Variants in NIBAN3 observed in about 807,000 individuals in gnomAD.
NIBAN3 encodes the protein protein Niban 3.
NIBAN3 carries 66 observed loss-of-function variants against 76.4 expected under a neutral mutation model. That is an observed-to-expected ratio of 0.86 (90% CI 0.71 to 1.06). The LOEUF (loss-of-function observed/expected upper bound fraction) is 1.06, where lower values mean the gene tolerates loss of function less well. NIBAN3 is among the 50% of genes least tolerant of loss of function. The probability of loss-of-function intolerance (pLI) is 0.00; values close to 1 mark genes in which losing one functional copy is unlikely to be tolerated. For synonymous variants in NIBAN3, 360 were observed against 355.2 expected, an observed-to-expected ratio of 1.01 and a Z score of -0.15; for missense variants, 808 against 810.7, an observed-to-expected ratio of 1.00 and a Z score of 0.04.
At position 17,546,844 on chromosome 19, in the gene NIBAN3, C is replaced by T. The variant is rs200397813; in HGVS notation, c.1666+47C>T. 17 of 1,551,532 alleles carry T rather than the reference C, an allele frequency of 1.1e-5. No homozygotes were observed. In the East Asian group the frequency reaches 3.3e-4, roughly 31 times the overall value. On this transcript the variant is annotated intron_variant, in intron 13 of 14. Transcript: ENST00000599164. ...CTCAGAGGAGCCTGGCGTCCCTTGG[C>T]TGTATGTACCGAGCCCCACCAGGGC...
At chr19:17,530,209 T>C (rs8111929) in intron 1 of NIBAN3, among the ~76,000 whole-genome samples, 3,254 of 151,508 alleles carry the variant, frequency 0.021, 142 homozygotes, top group African/African-American at 0.075. Flanking sequence ...TAGTCCCAGC[T>C]ACTTGGGAGG....
upstream of NIBAN3, among the ~76,000 whole-genome samples, chr19:17,526,834 G>A (rs2075614489): frequency 6.6e-6 from 1 of 152,020 alleles, no homozygotes; most frequent in Admixed American, 6.6e-5. Flanking sequence ...ACTGACCTCA[G>A]GGACAGTCTG....
At chr19:17,525,327 GTCCC>G (rs1239598397), upstream of NIBAN3, among the ~76,000 whole-genome samples, 51 of 142,802 alleles carry the variant, frequency 3.6e-4, no homozygotes, top group African/African-American at 1.4e-3. Flanking sequence ...CCCTCCCTCC[GTCCC>G]TCCCTTCATT....
chr19:17,528,668 G>A (rs1275707390), intron 1 of NIBAN3, among the ~76,000 whole-genome samples: 1 of 152,072 alleles, frequency 6.6e-6, no homozygotes, highest in Non-Finnish European at 1.5e-5. Flanking sequence ...TGGGCGCTGG[G>A]GACATTGTGG....
chr19:17,550,311 T>C (rs776487342), intron 14 of NIBAN3, among the ~76,000 whole-genome samples: 60 of 152,184 alleles, frequency 3.9e-4, no homozygotes, highest in Non-Finnish European at 7.1e-4. Flanking sequence ...TCCTAGCTGA[T>C]CTGGGACAGA....
In NIBAN3 at chr19:17,553,522, T is replaced by G; in HGVS notation, c.*1624T>G. 6.2e-7 allele frequency: 1 copy of G among 1,614,230 alleles called. No individual in the cohort carries two copies. The highest frequency in any genetic ancestry group is 8.5e-7 in the Non-Finnish European group (1 of 1,180,048). ...TTCACACTCCCTGGAGACCGTTTCC[T>G]CCCATTCTGTCTGGAGTTTTCGGCC... is the stretch of plus-strand genomic sequence containing the variant. On this transcript the variant is annotated 3_prime_UTR_variant, in exon 15 of 15. Transcript: ENST00000599164.
At chr19:17,550,167 G>T (rs1330282703) in intron 14 of NIBAN3, among the ~76,000 whole-genome samples, 1 of 152,078 alleles carries the variant, frequency 6.6e-6, no homozygotes, top group Non-Finnish European at 1.5e-5. Context: ...TCTCCCAATG[G>T]CTACTTCCTG....
At chr19:17,544,189 G>C (rs1460822401) in intron 12 of NIBAN3, among the ~76,000 whole-genome samples, 1 of 151,502 alleles carries the variant, frequency 6.6e-6, no homozygotes, top group African/African-American at 2.4e-5. Context: ...AGCTACTCTG[G>C]AGGCCAAGAG....
At chr19:17,549,681 C>T (rs1000093083) in intron 14 of NIBAN3, 154 bp downstream of exon 14, 12 of 704,660 alleles carry the variant, frequency 1.7e-5, no homozygotes, top group Middle Eastern at 2.3e-4. Flanking sequence ...TGGCCAAGCT[C>T]GTGAACAAGC....
rs555966528 is a variant in NIBAN3 at position 17,549,305 on chromosome 19, G to A, written c.1667-139G>A. The A allele has an allele frequency of 2.9e-4, 192 of 672,622 alleles. No individual in the cohort carries two copies. In the African/African-American group the frequency reaches 3.0e-3, roughly 10 times the overall value. 41.7% of individuals were successfully genotyped at this position (672,622 alleles called of 1,614,324 possible). ...GGTTAGCAATGTCTGCCATGGGTGC[G>A]GGCTTGGAGAGAGGCTCTATGTGAG... On this transcript the variant is annotated intron_variant, in intron 13 of 14. Coordinates refer to ENST00000599164, the MANE Select transcript of NIBAN3 (RefSeq NM_001321827.2).
chr19:17,546,733 T>C lies in NIBAN3; in HGVS notation c.1602T>C (p.Ala534=), dbSNP rs1419756579. 1 of 1,605,246 alleles carries C rather than the reference T, an allele frequency of 6.2e-7. No individual in the cohort carries two copies. Among genetic ancestry groups the C allele is most frequent in the Non-Finnish European group, 8.5e-7 (1 of 1,176,710 alleles). Residue 534 remains alanine, a synonymous_variant, in exon 13 of 15, where the codon GCT becomes GCC. Coordinates refer to ENST00000599164, the MANE Select transcript of NIBAN3 (RefSeq NM_001321827.2). ...ATGTCCTTGCCGTGGGCAGCCAGGC[T>C]CTGACCACTGAGGGCATCTATGAGG... is the stretch of plus-strand genomic sequence containing the variant. ...EGDVLAVGSQ[A]LTTEGIYEDV...
At position 17,539,247 on chromosome 19, in the gene NIBAN3, C is replaced by T. The variant is rs779621348; in HGVS notation, c.693C>T (p.Thr231=). 24 of 1,605,898 alleles carry T rather than the reference C, an allele frequency of 1.5e-5. No homozygotes were observed. In the East Asian group the frequency reaches 5.4e-4, roughly 36 times the overall value. ...HQGHFGDDDV[T]LGSDAEVLTA... ...GCCACTTTGGCGACGACGACGTGAC[C>T]CTAGGCTCAGACGCCGAGGTTAGTG... The change falls in exon 6 of 15, where the codon ACC becomes ACT. Residue 231 remains threonine (T), a synonymous_variant. Coordinates refer to ENST00000599164, the MANE Select transcript of NIBAN3 (RefSeq NM_001321827.2).
upstream of NIBAN3, chr19:17,527,169 C>T (rs562989226): frequency 1.1e-5 from 16 of 1,505,404 alleles, no homozygotes; most frequent in Middle Eastern, 2.3e-4. Flanking sequence ...CTGGGCAACA[C>T]GGGCCCCAGG....
chr19:17,540,640 TTTCC>T, intron 9 of NIBAN3, 58 bp downstream of exon 9: 1 of 1,241,316 alleles, frequency 8.1e-7, no homozygotes, highest in Non-Finnish European at 1.1e-6. Context: ...AACTTGAGTC[TTTCC>T]TGTGGAGAAT....
chr19:17,555,151 C>T (rs2144808557), downstream of NIBAN3, among the ~76,000 whole-genome samples: 1 of 152,218 alleles, frequency 6.6e-6, no homozygotes, highest in Non-Finnish European at 1.5e-5. Flanking sequence ...GACTGAGGCT[C>T]ACATATAGCA....
rs1241939515 is a variant in NIBAN3, at chr19:17,532,251, C to G, written c.187-12C>G. ...ACAGCCCCCTGACACCCACTGCTCC[C>G]TCTTTCTGCAGAAGCTGCCCCGAGT... On this transcript the variant is annotated splice_polypyrimidine_tract_variant and intron_variant, in intron 2 of 14. Transcript: ENST00000599164. 6.2e-7 allele frequency: 1 copy of G among 1,601,890 alleles called. No individual in the cohort carries two copies. Among genetic ancestry groups the G allele is most frequent in the African/African-American group, 1.3e-5 (1 of 74,812 alleles).
chr19:17,534,118 G>A (rs955000042), intron 4 of NIBAN3, among the ~76,000 whole-genome samples: 9 of 151,312 alleles, frequency 5.9e-5, no homozygotes, highest in African/African-American at 1.2e-4. Context: ...CGGGAGGATC[G>A]CTTAAGCCTG....
Position 17,543,329 on chromosome 19 carries a change from G to T in NIBAN3, c.1342G>T (p.Ala448Ser). Residue 448 changes from alanine (A) to serine (S), a missense_variant, in exon 11 of 15, where the codon GCC becomes TCC. Ala to Ser is a moderately conservative substitution (Grantham distance 99, BLOSUM62 1). Coordinates refer to ENST00000599164, the MANE Select transcript of NIBAN3 (RefSeq NM_001321827.2). ...TCTCCTCCCACAGCTCATGGCTGACGCCGTGGCCACCTTCCTGCAGCTGGC... is the reference window on the plus strand; with the variant it reads ...TCTCCTCCCACAGCTCATGGCTGACTCCGTGGCCACCTTCCTGCAGCTGGC... ...QDLAQQLMADAVATFLQLADQ... is the reference protein window; with the variant it reads ...QDLAQQLMADSVATFLQLADQ... 2 of 1,564,788 alleles carry T rather than the reference G, an allele frequency of 1.3e-6. No homozygotes were observed. Among genetic ancestry groups the T allele is most frequent in the South Asian group, 2.4e-5 (2 of 82,918 alleles).
At position 17,527,300 on chromosome 19, in the gene NIBAN3, T is replaced by G. The variant is rs560383504; in HGVS notation, c.-41T>G. 4.4e-5 allele frequency: 68 copies of G among 1,550,340 alleles called. 1 individual carries two copies. The East Asian group carries it at 1.6e-3, about 36-fold the overall frequency. ...CTGAGCCGAGGAACGCAGGCGGTGG[T>G]CGTGGGGAAGGGAAGAGGAGCCCCG... On this transcript the variant is annotated 5_prime_UTR_variant, in exon 1 of 15. Transcript: ENST00000599164.
Sources: allele counts gnomAD v4.1 joint callset (sites outside exome capture counted in the v4.1 genomes callset), GRCh38; gene constraint gnomAD v4.1.1; transcripts MANE v1.5; gene names NCBI Gene and HGNC (gene_info 2026-07-23, HGNC 2026-07-21).